Variants in PPFIA2 observed in about 807,000 individuals in gnomAD.
The protein encoded by PPFIA2 is liprin-alpha-2.
In PPFIA2, 46 loss-of-function variants were observed where a neutral mutation model predicts 175.5. The observed-to-expected ratio is 0.26, with a 90% CI of 0.21 to 0.34. PPFIA2 has a LOEUF of 0.34. Ranked by LOEUF, PPFIA2 falls within the 10% of genes least tolerant of loss-of-function variation. The probability of loss-of-function intolerance (pLI) is 1.00; values close to 1 mark genes in which losing one functional copy is unlikely to be tolerated. For missense variants in PPFIA2, 1,179 were observed against 1,506.1 expected, an observed-to-expected ratio of 0.78 and a Z score of 3.60; for synonymous variants, 568 against 511.4, an observed-to-expected ratio of 1.11 and a Z score of -1.49.
At chr12:81,666,600 G>C (rs976863257) in intron 4 of PPFIA2, among the ~76,000 whole-genome samples, 2 of 152,030 alleles carry the variant, frequency 1.3e-5, no homozygotes, top group Non-Finnish European at 2.9e-5. Context: ...ATCACACACC[G>C]GGGCCTGTTG....
At chr12:81,480,098 GT>G (rs1440380701) in intron 4 of PPFIA2, among the ~76,000 whole-genome samples, 3 of 152,048 alleles carry the variant, frequency 2.0e-5, no homozygotes, top group African/African-American at 7.2e-5. Flanking sequence ...TGGAGGCTTT[GT>G]TTGTTGCTTT....
intron 4 of PPFIA2, among the ~76,000 whole-genome samples, chr12:81,469,742 A>G (rs959472969): frequency 6.6e-6 from 1 of 152,228 alleles, no homozygotes; most frequent in Non-Finnish European, 1.5e-5. Context: ...CTATGACTGA[A>G]TTGTGTCACC....
At chr12:81,371,768 T>C (rs1277368185) in intron 11 of PPFIA2, among the ~76,000 whole-genome samples, 2 of 151,804 alleles carry the variant, frequency 1.3e-5, no homozygotes, top group African/African-American at 4.8e-5. Flanking sequence ...ATCATAAGAC[T>C]GGGAGCCCAA....
At chr12:81,410,708 A>C (rs1266922005) in intron 7 of PPFIA2, among the ~76,000 whole-genome samples, 1 of 152,096 alleles carries the variant, frequency 6.6e-6, no homozygotes, top group East Asian at 1.9e-4. Context: ...CAATGAAGGA[A>C]CCAAGAGCCC....
chr12:81,344,948 C>T (rs1432890776), intron 18 of PPFIA2, among the ~76,000 whole-genome samples: 5 of 151,788 alleles, frequency 3.3e-5, no homozygotes, highest in Non-Finnish European at 7.4e-5. Flanking sequence ...GCACTGGATA[C>T]GAGGCATGGA....
At position 81,642,734 on chromosome 12, in the gene PPFIA2, T is replaced by TGTATATAATATATACATA. The variant is rs1567688409; in HGVS notation, c.303+34056_303+34057insTATGTATATATTATATAC. Among the ~76,000 whole-genome samples the TGTATATAATATATACATA allele has an allele frequency of 2.3e-3, 21 of 8,958 alleles. 6 individuals carry two copies. Among genetic ancestry groups the TGTATATAATATATACATA allele is most frequent in the Non-Finnish European group, 4.2e-3 (16 of 3,806 alleles). The allele number at this position is 8,958 out of a possible 152,430, so 5.9% of individuals were successfully genotyped here. On this transcript the variant is annotated intron_variant, in intron 4 of 32. Coordinates refer to ENST00000549396, the MANE Select transcript of PPFIA2 (RefSeq NM_003625.5). ...TGTATGTATTATATACATACATGTA[T>TGTATATAATATATACATA]ATGTATGTATGTATTATATACATAC...
chr12:81,349,299 A>C (rs2059617998), intron 17 of PPFIA2, among the ~76,000 whole-genome samples: 2 of 152,210 alleles, frequency 1.3e-5, no homozygotes, highest in African/African-American at 4.8e-5. Context: ...TAAAAATCTT[A>C]CAAAGTATGG....
chr12:81,386,275 TTAAATAAATAAATAAA>T (rs36182501), intron 8 of PPFIA2, among the ~76,000 whole-genome samples: 115 of 135,726 alleles, frequency 8.5e-4, no homozygotes, highest in South Asian at 2.7e-3. Flanking sequence ...CTTACAACCT[TTAAATAAATAAATAAA>T]TAAATAAATA....
Position 81,353,213 on chromosome 12 carries a change from A to G in PPFIA2, c.1900T>C (p.Ser634Pro). 1.9e-6 allele frequency: 3 copies of G among 1,613,798 alleles called. No individual in the cohort carries two copies. Among genetic ancestry groups the G allele is most frequent in the Non-Finnish European group, 2.5e-6 (3 of 1,179,788 alleles). ...CCACTTGGAGAGAGAAGATCCATTG[A>G]GCTAAAAATTGTTTCTCTGTCATCA... is the stretch of plus-strand genomic sequence containing the variant. Reference protein sequence around the residue: ...DDDDRETIFSSMDLLSPSGHS... With the variant: ...DDDDRETIFSPMDLLSPSGHS... The change falls in exon 17 of 33, where the codon TCA becomes CCA. Residue 634 changes from serine to proline, a missense_variant. By Grantham distance (74) the Ser-to-Pro change is moderately conservative. Coordinates refer to ENST00000549396, the MANE Select transcript of PPFIA2 (RefSeq NM_003625.5).
At chr12:81,633,917 G>A (rs1399692653) in intron 4 of PPFIA2, among the ~76,000 whole-genome samples, 1 of 151,896 alleles carries the variant, frequency 6.6e-6, no homozygotes, top group Non-Finnish European at 1.5e-5. Context: ...CCAAAACTGA[G>A]AAGACCAGGT....
At chr12:81,676,147 T>G (rs1208521562) in intron 4 of PPFIA2, among the ~76,000 whole-genome samples, 4 of 152,092 alleles carry the variant, frequency 2.6e-5, no homozygotes, top group Non-Finnish European at 4.4e-5. Context: ...ATTGACTATT[T>G]GTTGATATAA....
At chr12:81,485,736 G>A (rs994240454) in intron 4 of PPFIA2, among the ~76,000 whole-genome samples, 7 of 151,834 alleles carry the variant, frequency 4.6e-5, no homozygotes, top group Non-Finnish European at 1.0e-4. Context: ...AAGTTTCTAT[G>A]AGACGATAAA....
chr12:81,263,234 C>G lies in PPFIA2; in HGVS notation c.3712G>C (p.Asp1238His). The G allele has an allele frequency of 6.2e-7, 1 of 1,604,838 alleles. No individual in the cohort carries two copies. The highest frequency in any genetic ancestry group is 1.1e-5 in the South Asian group (1 of 89,744). The change falls in exon 31 of 33, where the codon GAT becomes CAT. Residue 1238 changes from aspartate (D) to histidine (H), a missense_variant. Physicochemically the swap from Asp to His is moderately conservative, Grantham distance 81. Transcript: ENST00000549396. Reference sequence around the variant, plus strand: ...CAGCAATGCAAAACTACTGTACCATCTGTTGTCATTTTTCTTGACTGCCCA... The same window carrying G: ...CAGCAATGCAAAACTACTGTACCATGTGTTGTCATTTTTCTTGACTGCCCA... ...TSGQSRKMTT[D>H]VASSRLQRLD...
intron 3 of PPFIA2, among the ~76,000 whole-genome samples, chr12:81,705,577 T>C (rs1567937689): frequency 6.6e-6 from 1 of 151,934 alleles, no homozygotes; most frequent in African/African-American, 2.4e-5. Flanking sequence ...CAAATCAATA[T>C]ACATTGCAAC....
chr12:81,324,787 G>A (rs2054394747), intron 22 of PPFIA2, among the ~76,000 whole-genome samples: 1 of 151,726 alleles, frequency 6.6e-6, no homozygotes, highest in Non-Finnish European at 1.5e-5. Context: ...ATTTTTTTCT[G>A]GACAATATTC....
chr12:81,488,318 C>T (rs1037293460), intron 4 of PPFIA2, among the ~76,000 whole-genome samples: 2 of 151,440 alleles, frequency 1.3e-5, no homozygotes, highest in African/African-American at 4.8e-5. Flanking sequence ...TCTCTACCAC[C>T]ACAATTCTTT....
chr12:81,731,594 A>G lies in PPFIA2; in HGVS notation c.249+22379T>C, dbSNP rs930304239. ...AAAGACACTTCAGTTAATTAAAAAT[A>G]TATAAGGTTGAAATAGTATTAAAAG... On this transcript the variant is annotated intron_variant, in intron 3 of 32. Transcript: ENST00000549396. Among the ~76,000 whole-genome samples, 84 of 151,720 alleles carry G rather than the reference A, an allele frequency of 5.5e-4. 6 individuals carry two copies. The highest frequency in any genetic ancestry group is 6.6e-5 in the Admixed American group (1 of 15,178).
At chr12:81,654,147 A>G (rs916833992) in intron 4 of PPFIA2, among the ~76,000 whole-genome samples, 13 of 151,930 alleles carry the variant, frequency 8.6e-5, no homozygotes, top group African/African-American at 2.9e-4. Context: ...GAAGAAAAAA[A>G]TTTAAAAAAT....
chr12:81,600,389 C>T (rs552425758), intron 4 of PPFIA2, among the ~76,000 whole-genome samples: 1 of 151,950 alleles, frequency 6.6e-6, no homozygotes, highest in East Asian at 1.9e-4. Flanking sequence ...TGCTCCCATC[C>T]TTTTGTTTTT....
Sources: allele counts gnomAD v4.1 joint callset (sites outside exome capture counted in the v4.1 genomes callset), GRCh38; gene constraint gnomAD v4.1.1; transcripts MANE v1.5; gene names NCBI Gene and HGNC (gene_info 2026-07-23, HGNC 2026-07-21).